The following SPTLC2 variants were observed in gnomAD, a reference collection of about 807,000 sequenced individuals.
SPTLC2 encodes serine palmitoyltransferase long chain base subunit 2.
Under a neutral mutation model 62.0 loss-of-function variants are expected in SPTLC2, and 21 were observed. The ratio of observed to expected loss-of-function variants is 0.34; its 90% CI spans 0.24 to 0.49. The LOEUF is 0.49. Among genes scored for constraint, SPTLC2 ranks in the 20% least tolerant of loss-of-function variants. The pLI, the probability that SPTLC2 is intolerant of heterozygous loss-of-function variation, is 0.99. For missense variants in SPTLC2, 511 were observed against 713.0 expected, an observed-to-expected ratio of 0.72 and a Z score of 3.23; for synonymous variants, 261 against 261.8, an observed-to-expected ratio of 1.00 and a Z score of 0.03.
At chr14:77,599,993 A>G (rs1370295867) in intron 1 of SPTLC2, among the ~76,000 whole-genome samples, 1 of 152,166 alleles carries the variant, frequency 6.6e-6, no homozygotes, top group Non-Finnish European at 1.5e-5. Flanking sequence ...TCTCAACTGT[A>G]CACATCATTA....
intron 3 of SPTLC2, among the ~76,000 whole-genome samples, chr14:77,578,453 A>G (rs1293570413): frequency 6.6e-6 from 1 of 152,012 alleles, no homozygotes; most frequent in African/African-American, 2.4e-5. Flanking sequence ...GCGGTGACTC[A>G]TGCCTGTAAT....
chr14:77,575,301 C>A (rs1197675046), intron 4 of SPTLC2, among the ~76,000 whole-genome samples: 1 of 152,068 alleles, frequency 6.6e-6, no homozygotes, highest in Non-Finnish European at 1.5e-5. Context: ...TTATTTTTTT[C>A]CCTGTCTTCA....
In SPTLC2 at chr14:77,506,747, C is replaced by T. The variant is rs1222212461; in HGVS notation, c.*5537G>A. On this transcript the variant is annotated 3_prime_UTR_variant, in exon 12 of 12. Coordinates refer to ENST00000216484, the MANE Select transcript of SPTLC2 (RefSeq NM_004863.4). ...GACTCTGAGTTGGCTTGAGTCTCCT[C>T]GTGCATAGAAGCATTCACTCATCCA... 2 of 152,184 alleles carry T rather than the reference C, an allele frequency of 1.3e-5. No homozygotes were observed. The highest frequency in any genetic ancestry group is 2.1e-4 in the South Asian group (1 of 4,818). The allele number at this position is 152,184 out of a possible 1,614,324, so 9.4% of individuals were successfully genotyped here. A position where few individuals can be genotyped will look rare whatever the true frequency, so the allele number is the denominator to read the frequency against.
At chr14:77,569,238 C>G (rs1312057593) in intron 5 of SPTLC2, among the ~76,000 whole-genome samples, 1 of 152,022 alleles carries the variant, frequency 6.6e-6, no homozygotes, top group Admixed American at 6.6e-5. Flanking sequence ...TTCCTTTTAA[C>G]CTCTGTGTCT....
chr14:77,555,348 C>T lies in SPTLC2; in HGVS notation c.1128G>A (p.Thr376=), dbSNP rs773806229. 3.2e-5 allele frequency: 51 copies of T among 1,614,124 alleles called. No individual in the cohort carries two copies. In the East Asian group the frequency reaches 6.5e-4, roughly 20 times the overall value. ...DPEDVDVMMG[T]FTKSFGASGG... is the part of the protein sequence containing the mutation. ...CAGAAGCACCAAAACTCTTTGTGAACGTTCCCATCATAACATCCACATCCT... is the reference window on the plus strand; with the variant it reads ...CAGAAGCACCAAAACTCTTTGTGAATGTTCCCATCATAACATCCACATCCT... Residue 376 remains threonine (T), a synonymous_variant, in exon 8 of 12, where the codon ACG becomes ACA. Transcript: ENST00000216484.
intron 2 of SPTLC2, among the ~76,000 whole-genome samples, chr14:77,589,028 AAC>A (rs1258222926): frequency 4.0e-4 from 48 of 118,624 alleles, no homozygotes; most frequent in Non-Finnish European, 5.2e-4. Flanking sequence ...AAAAAAAAAA[AAC>A]ACACAAAGAA....
At chr14:77,513,543 A>G (rs539485137) in intron 11 of SPTLC2, among the ~76,000 whole-genome samples, 2 of 152,300 alleles carry the variant, frequency 1.3e-5, no homozygotes, top group South Asian at 4.1e-4. Context: ...AAGCTGGGAG[A>G]ACCCATCGAC....
intron 1 of SPTLC2, among the ~76,000 whole-genome samples, chr14:77,614,330 G>A (rs1050501310): frequency 3.4e-4 from 51 of 152,202 alleles, no homozygotes; most frequent in African/African-American, 1.2e-3. Context: ...AAGCAACGCT[G>A]AAGTGTGAAC....
At chr14:77,567,450 T>C (rs1040053315) in intron 5 of SPTLC2, among the ~76,000 whole-genome samples, 1 of 152,252 alleles carries the variant, frequency 6.6e-6, no homozygotes, top group Non-Finnish European at 1.5e-5. Context: ...CAACGTATTA[T>C]AACGTGAAGT....
intron 5 of SPTLC2, among the ~76,000 whole-genome samples, chr14:77,565,934 T>C (rs1301544637): frequency 6.6e-6 from 1 of 152,068 alleles, no homozygotes; most frequent in Non-Finnish European, 1.5e-5. Flanking sequence ...AATTAAAGTT[T>C]CAAAAAAGTG....
At chr14:77,555,109 C>A (rs1056363681) in intron 8 of SPTLC2, among the ~76,000 whole-genome samples, 191 bp downstream of exon 8, 2 of 152,144 alleles carry the variant, frequency 1.3e-5, no homozygotes, top group Non-Finnish European at 2.9e-5. Context: ...AATAAGAAAA[C>A]AACAAACAAT....
chr14:77,613,405 C>G (rs901802531), intron 1 of SPTLC2, among the ~76,000 whole-genome samples: 1 of 152,172 alleles, frequency 6.6e-6, no homozygotes, highest in Non-Finnish European at 1.5e-5. Flanking sequence ...ATCTGAATAG[C>G]AGAGAGGAAA....
chr14:77,529,073 A>G (rs1341350798), intron 9 of SPTLC2, among the ~76,000 whole-genome samples: 1 of 151,648 alleles, frequency 6.6e-6, no homozygotes, highest in Non-Finnish European at 1.5e-5. Context: ...TCTGACCTCA[A>G]GTGATCCACC....
chr14:77,529,351 A>G (rs2079425146), intron 9 of SPTLC2, among the ~76,000 whole-genome samples: 1 of 149,806 alleles, frequency 6.7e-6, no homozygotes, highest in South Asian at 2.1e-4. Context: ...AAATAAACTT[A>G]CATACCCTTG....
At chr14:77,593,341 T>C (rs1261265812) in intron 2 of SPTLC2, among the ~76,000 whole-genome samples, 1 of 152,166 alleles carries the variant, frequency 6.6e-6, no homozygotes, top group Non-Finnish European at 1.5e-5. Context: ...TGAGGTTTCA[T>C]TATGTTGTGT....
Position 77,565,099 on chromosome 14 carries a change from G to A in SPTLC2, c.757-2610C>T, listed in dbSNP as rs546640139. On this transcript the variant is annotated intron_variant, in intron 5 of 11. Coordinates refer to ENST00000216484, the MANE Select transcript of SPTLC2 (RefSeq NM_004863.4). ...TACTAAGAAATACAAAAAATTAGCC[G>A]GGCATGGTGGTGGGTGCCTGTAATC... Among the ~76,000 whole-genome samples the A allele has an allele frequency of 4.6e-5, 7 of 151,834 alleles. No individual in the cohort carries two copies. In the South Asian group the frequency reaches 6.2e-4, roughly 14 times the overall value.
At chr14:77,597,013 C>A (rs1253535500) in intron 2 of SPTLC2, among the ~76,000 whole-genome samples, 173 bp downstream of exon 2, 1 of 152,206 alleles carries the variant, frequency 6.6e-6, no homozygotes, top group African/African-American at 2.4e-5. Flanking sequence ...GCTTTGATAT[C>A]TTTAACCTTG....
At chr14:77,591,914 C>G (rs10873308) in intron 2 of SPTLC2, among the ~76,000 whole-genome samples, 49,654 of 151,580 alleles carry the variant, frequency 0.33, 8,540 homozygotes, top group East Asian at 0.64. Context: ...TAGTAGAGAC[C>G]GGGTTTCACC....
At chr14:77,539,892 G>A (rs890467355) in intron 9 of SPTLC2, among the ~76,000 whole-genome samples, 1 of 151,980 alleles carries the variant, frequency 6.6e-6, no homozygotes, top group Non-Finnish European at 1.5e-5. Flanking sequence ...ATTGTGGCTT[G>A]AACTAATAAA....
Sources: gnomAD v4.1 joint callset for allele counts (sites outside exome capture counted in the v4.1 genomes callset) on GRCh38, gnomAD v4.1.1 for gene constraint, MANE v1.5 for transcripts, NCBI Gene and HGNC (gene_info 2026-07-23, HGNC 2026-07-21) for gene names.